KCNAB1: variants seen among roughly 807,000 people sequenced by gnomAD.
KCNAB1 encodes the protein potassium voltage-gated channel subfamily A regulatory beta subunit 1, also known as voltage-gated potassium channel subunit beta-1.
In KCNAB1, 35 loss-of-function variants were observed where a neutral mutation model predicts 64.6. The ratio of observed to expected loss-of-function variants is 0.54; its 90% confidence interval spans 0.41 to 0.72. The LOEUF (loss-of-function observed/expected upper bound fraction) is 0.72, where lower values mean the gene tolerates loss of function less well. Among genes scored for constraint, KCNAB1 ranks in the 30% least tolerant of loss-of-function variants. The pLI is 0.00. For synonymous variants in KCNAB1, 177 were observed against 183.8 expected, an observed-to-expected ratio of 0.96 and a Z score of 0.30; for missense variants, 401 against 512.9, an observed-to-expected ratio of 0.78 and a Z score of 2.11.
chr3:156,194,415 T>C (rs1713756440), intron 1 of KCNAB1, among the ~76,000 whole-genome samples: 1 of 152,140 alleles, frequency 6.6e-6, no homozygotes, highest in Non-Finnish European at 1.5e-5. Flanking sequence ...CTGGCTTACA[T>C]TGTTTCCTGT....
chr3:156,131,253 C>A lies in KCNAB1; in HGVS notation c.275+10367C>A, dbSNP rs142208980. Among the ~76,000 whole-genome samples the A allele has an allele frequency of 1.1e-3, 167 of 152,306 alleles. 4 individuals are homozygous for A. The East Asian group carries it at 0.028, about 26-fold the overall frequency. ...CTTACTCATATTTCTTTGGAGATGGCAGTTGAAACAACAGCTTTCCCCAAC... is the reference window on the plus strand; with the variant it reads ...CTTACTCATATTTCTTTGGAGATGGAAGTTGAAACAACAGCTTTCCCCAAC... On this transcript the variant is annotated intron_variant, in intron 1 of 13. Transcript: ENST00000490337.
intron 13 of KCNAB1, among the ~76,000 whole-genome samples, chr3:156,531,835 C>T (rs1215519348): frequency 6.6e-6 from 1 of 152,204 alleles, no homozygotes; most frequent in Non-Finnish European, 1.5e-5. Flanking sequence ...ACATCATTTA[C>T]TTGTTTGTTC....
intron 1 of KCNAB1, among the ~76,000 whole-genome samples, chr3:156,270,239 C>T (rs921500850): frequency 1.3e-5 from 2 of 152,078 alleles, no homozygotes; most frequent in Non-Finnish European, 2.9e-5. Context: ...TCCATCGAGG[C>T]ACTCTATGTA....
intron 1 of KCNAB1, among the ~76,000 whole-genome samples, chr3:156,319,807 T>C (rs1215552463): frequency 6.6e-6 from 1 of 152,222 alleles, no homozygotes; most frequent in Non-Finnish European, 1.5e-5. Context: ...CCTTTAAAAT[T>C]GTTCCAAATA....
intron 1 of KCNAB1, among the ~76,000 whole-genome samples, chr3:156,243,553 A>T (rs1400814906): frequency 6.6e-6 from 1 of 152,232 alleles, no homozygotes; most frequent in African/African-American, 2.4e-5. Flanking sequence ...AAGGGTGAGA[A>T]ACTAAAACTT....
chr3:156,281,560 C>G (rs568371951), intron 1 of KCNAB1, among the ~76,000 whole-genome samples: 27 of 152,162 alleles, frequency 1.8e-4, no homozygotes, highest in Non-Finnish European at 2.9e-4. Flanking sequence ...CTCCTTGTAT[C>G]TCTGGTAGAA....
chr3:156,448,050 A>T (rs1256259932), intron 2 of KCNAB1, among the ~76,000 whole-genome samples: 2 of 152,184 alleles, frequency 1.3e-5, no homozygotes. Flanking sequence ...TTTACCTTTC[A>T]TCCATCATTT....
chr3:156,528,873 G>A (rs910410243), intron 12 of KCNAB1, among the ~76,000 whole-genome samples: 1 of 152,196 alleles, frequency 6.6e-6, no homozygotes, highest in African/African-American at 2.4e-5. Context: ...TCATCTTACA[G>A]GACAATGAGT....
intron 6 of KCNAB1, among the ~76,000 whole-genome samples, chr3:156,464,840 C>T (rs1243667372): frequency 1.3e-5 from 2 of 152,028 alleles, no homozygotes; most frequent in Admixed American, 6.6e-5. Flanking sequence ...TCAGTGCTTT[C>T]GAAATGCTAC....
intron 1 of KCNAB1, among the ~76,000 whole-genome samples, chr3:156,387,014 C>CTTTTTTTTTTT (rs1194708289): frequency 2.2e-5 from 2 of 90,522 alleles, no homozygotes; most frequent in African/African-American, 1.1e-4. Context: ...TTCTCTCTCT[C>CTTTTTTTTTTT]TTTTTTTTTT....
intron 1 of KCNAB1, among the ~76,000 whole-genome samples, chr3:156,375,468 C>G (rs77418390): frequency 0.13 from 17,927 of 134,462 alleles, 4,426 homozygotes; most frequent in South Asian, 0.26. Context: ...AGAACCTGCT[C>G]ATTTTCTAGT....
chr3:156,351,018 G>C (rs1724823121), intron 1 of KCNAB1, among the ~76,000 whole-genome samples: 1 of 152,232 alleles, frequency 6.6e-6, no homozygotes, highest in Non-Finnish European at 1.5e-5. Flanking sequence ...TGAACGGAAG[G>C]AATCAGACAG....
Position 156,536,705 on chromosome 3 carries a change from A to G in KCNAB1, c.1218A>G (p.Ile406Met). Residue 406 changes from isoleucine to methionine, a missense_variant, in exon 14 of 14, where the codon ATA becomes ATG. By Grantham distance (10) the Ile-to-Met change is conservative. Transcript: ENST00000490337. ...ATGTGGTAAATGAGATTGATAACAT[A>G]CTGCGCAACAAGCCCTACAGCAAGA... ...TSHVVNEIDN[I>M]LRNKPYSKKD... 1 of 1,613,526 alleles carries G rather than the reference A, an allele frequency of 6.2e-7. No homozygotes were observed. Among genetic ancestry groups the G allele is most frequent in the Non-Finnish European group, 8.5e-7 (1 of 1,179,414 alleles).
intron 1 of KCNAB1, among the ~76,000 whole-genome samples, chr3:156,183,831 A>T (rs1433902992): frequency 6.6e-6 from 1 of 152,230 alleles, no homozygotes; most frequent in Non-Finnish European, 1.5e-5. Context: ...TGAGAGTGGC[A>T]TGAGAAAAAG....
At chr3:156,155,178 T>C (rs1560110853) in intron 1 of KCNAB1, among the ~76,000 whole-genome samples, 1 of 152,180 alleles carries the variant, frequency 6.6e-6, no homozygotes, top group Non-Finnish European at 1.5e-5. Context: ...TGGTACACTA[T>C]CTATTTTTAC....
At position 156,137,233 on chromosome 3, in the gene KCNAB1, T is replaced by A. The variant is rs563348135; in HGVS notation, c.275+16347T>A. On this transcript the variant is annotated intron_variant, in intron 1 of 13. Transcript: ENST00000490337. ...TGTATCATACATTGGTGGGGGGGGA[T>A]TGTTTTTATGCTATAACGCAGGAGT... Among the ~76,000 whole-genome samples the A allele has an allele frequency of 1.3e-3, 196 of 150,836 alleles. No homozygotes were observed. The South Asian group carries it at 0.017, about 13-fold the overall frequency.
intron 12 of KCNAB1, among the ~76,000 whole-genome samples, chr3:156,531,033 TTGAG>T (rs996835368): frequency 1.3e-5 from 2 of 152,146 alleles, no homozygotes; most frequent in Non-Finnish European, 2.9e-5. Flanking sequence ...CCCAAATGCA[TTGAG>T]TGTTAATTAA....
chr3:156,247,120 G>C (rs1448061122), intron 1 of KCNAB1, among the ~76,000 whole-genome samples: 1 of 152,168 alleles, frequency 6.6e-6, no homozygotes, highest in Non-Finnish European at 1.5e-5. Flanking sequence ...GCTGCACTCA[G>C]CCATGCATCT....
At chr3:156,312,054 G>A (rs905706971) in intron 1 of KCNAB1, among the ~76,000 whole-genome samples, 3 of 152,142 alleles carry the variant, frequency 2.0e-5, no homozygotes, top group African/African-American at 7.2e-5. Flanking sequence ...TTAAACTGCC[G>A]TGTGCTCCCC....
Sources: allele counts gnomAD v4.1 joint callset (sites outside exome capture counted in the v4.1 genomes callset), GRCh38; gene constraint gnomAD v4.1.1; transcripts MANE v1.5; gene names NCBI Gene and HGNC (gene_info 2026-07-23, HGNC 2026-07-21).